The following GAD2 variants were observed in gnomAD, a reference collection of about 807,000 sequenced individuals.
GAD2 encodes glutamate decarboxylase 2, also known as 65 kDa glutamic acid decarboxylase.
A neutral mutation model predicts 80.1 loss-of-function variants in GAD2; 22 were observed. The ratio of observed to expected loss-of-function variants is 0.27; its 90% CI spans 0.20 to 0.39. The LOEUF (loss-of-function observed/expected upper bound fraction) is 0.39, where lower values mean the gene tolerates loss of function less well. Among genes scored for constraint, GAD2 ranks in the 10% least tolerant of loss-of-function variants. GAD2 has a pLI of 1.00. For synonymous variants in GAD2, 274 were observed against 256.9 expected, an observed-to-expected ratio of 1.07 and a Z score of -0.64; for missense variants, 624 against 738.4, an observed-to-expected ratio of 0.85 and a Z score of 1.80.
chr10:26,250,313 A>G (rs952972501), intron 8 of GAD2, among the ~76,000 whole-genome samples: 1 of 152,152 alleles, frequency 6.6e-6, no homozygotes, highest in African/African-American at 2.4e-5. Context: ...AGCTTATTTC[A>G]ACAATTTTAG....
chr10:26,217,393 G>C lies in GAD2; in HGVS notation c.77-217G>C, dbSNP rs1007238217. On this transcript the variant is annotated intron_variant, in intron 1 of 15. Transcript: ENST00000376261. The surrounding 1 kb of genome is among the most constrained non-coding windows in gnomAD (Gnocchi z 4.9). ...AGGGCAGCGGTGTGGGCTTCTCCTC[G>C]GGAAACAGATAAAGGAAATGAGGGC... Among the ~76,000 whole-genome samples the C allele has an allele frequency of 1.3e-5, 2 of 152,130 alleles. No individual in the cohort carries two copies. Among genetic ancestry groups the C allele is most frequent in the African/African-American group, 4.8e-5 (2 of 41,440 alleles).
intron 15 of GAD2, among the ~76,000 whole-genome samples, chr10:26,293,193 T>TTTTTTTTTTTTTTC (rs869296197): frequency 2.2e-5 from 3 of 137,314 alleles, no homozygotes; most frequent in African/African-American, 2.8e-5. Context: ...TTTTTTTTTT[T>TTTTTTTTTTTTTTC]TTGAGATGGA....
Position 26,270,633 on chromosome 10 carries a change from C to T in GAD2, c.976-7C>T, listed in dbSNP as rs762080256. 73 of 1,599,556 alleles carry T rather than the reference C, an allele frequency of 4.6e-5. No individual in the cohort carries two copies. Among genetic ancestry groups the T allele is most frequent in the South Asian group, 2.0e-4 (18 of 90,686 alleles). Reference sequence around the variant, plus strand: ...TTCCATGATTTGGGGCTTTCTCGTTCGCACAGGGGTTTGTTCCTTTCCTCG... The same window carrying T: ...TTCCATGATTTGGGGCTTTCTCGTTTGCACAGGGGTTTGTTCCTTTCCTCG... On this transcript the variant is annotated splice_polypyrimidine_tract_variant and splice_region_variant and intron_variant, in intron 9 of 15. Coordinates refer to ENST00000376261, the MANE Select transcript of GAD2 (RefSeq NM_001134366.2).
intron 8 of GAD2, among the ~76,000 whole-genome samples, chr10:26,249,253 G>A (rs988498153): frequency 1.3e-5 from 2 of 152,028 alleles, no homozygotes; most frequent in Admixed American, 1.3e-4. Context: ...GTAGAGACGG[G>A]GTTTCATCAT....
At chr10:26,244,931 C>T (rs1347454340) in intron 7 of GAD2, among the ~76,000 whole-genome samples, 1 of 152,048 alleles carries the variant, frequency 6.6e-6, no homozygotes, top group African/African-American at 2.4e-5. Context: ...GCAGGTGGAT[C>T]ACCTGAGGTC....
intron 8 of GAD2, among the ~76,000 whole-genome samples, chr10:26,262,088 G>T (rs1408716633): frequency 6.6e-6 from 1 of 152,040 alleles, no homozygotes; most frequent in Non-Finnish European, 1.5e-5. Context: ...GACACGTTTT[G>T]CTTTCAGAAT....
chr10:26,278,752 G>A (rs901365269), intron 11 of GAD2, among the ~76,000 whole-genome samples: 5 of 151,994 alleles, frequency 3.3e-5, no homozygotes, highest in South Asian at 4.2e-4. Context: ...AATTCCAGTC[G>A]TAAATGTATC....
At chr10:26,242,034 G>T (rs956967920) in intron 7 of GAD2, among the ~76,000 whole-genome samples, 1 of 152,150 alleles carries the variant, frequency 6.6e-6, no homozygotes, top group Non-Finnish European at 1.5e-5. Context: ...AGGCTGGAGT[G>T]CAGTGGCGTG....
intron 15 of GAD2, among the ~76,000 whole-genome samples, chr10:26,296,673 A>G (rs4747550): frequency 0.24 from 35,909 of 152,102 alleles, 4,756 homozygotes; most frequent in African/African-American, 0.35. Flanking sequence ...GGGCTGGTCT[A>G]TTGATCACCT....
intron 4 of GAD2, among the ~76,000 whole-genome samples, chr10:26,223,021 A>G (rs1176952208): frequency 6.6e-6 from 1 of 152,248 alleles, no homozygotes; most frequent in Non-Finnish European, 1.5e-5. Flanking sequence ...TGCTAATGAC[A>G]TATTTATAAT....
intron 12 of GAD2, among the ~76,000 whole-genome samples, chr10:26,284,784 T>G (rs1845312742): frequency 6.6e-6 from 1 of 152,050 alleles, no homozygotes; most frequent in Non-Finnish European, 1.5e-5. Flanking sequence ...TTAGCCAGGA[T>G]GGTTTCAATC....
chr10:26,230,732 C>A (rs1844591011), intron 7 of GAD2, among the ~76,000 whole-genome samples: 1 of 151,900 alleles, frequency 6.6e-6, no homozygotes, highest in Non-Finnish European at 1.5e-5. Context: ...ACCATCATAC[C>A]CAGCCTGAAC....
intron 15 of GAD2, among the ~76,000 whole-genome samples, chr10:26,295,156 C>T (rs1030589792): frequency 2.6e-5 from 4 of 152,060 alleles, no homozygotes; most frequent in South Asian, 2.1e-4. Context: ...CTTCAAATGC[C>T]TCCTAGGTTT....
chr10:26,246,096 G>T, intron 8 of GAD2, 96 bp downstream of exon 8: 1 of 913,762 alleles, frequency 1.1e-6, no homozygotes, highest in Non-Finnish European at 1.7e-6. Context: ...CCACGGGGCA[G>T]CAAGTCCACC....
chr10:26,300,283 A>G (rs1434963577), intron 15 of GAD2, among the ~76,000 whole-genome samples: 2 of 152,180 alleles, frequency 1.3e-5, no homozygotes, highest in Non-Finnish European at 2.9e-5. Flanking sequence ...TATCTTATAA[A>G]GTGAGGCACT....
rs142982041 is a variant in GAD2 at position 26,217,668 on chromosome 10, C to T, written c.135C>T (p.Cys45=). 2.6e-5 allele frequency: 42 copies of T among 1,613,102 alleles called. No individual in the cohort carries two copies. Among genetic ancestry groups the T allele is most frequent in the Non-Finnish European group, 3.4e-5 (40 of 1,179,628 alleles). Residue 45 remains cysteine (C), a splice_region_variant and synonymous_variant, in exon 2 of 16, where the codon TGC becomes TGT. Transcript: ENST00000376261. The surrounding 1 kb of genome is among the most constrained non-coding windows in gnomAD (Gnocchi z 4.9). ...KFTGGIGNKL[C]ALLYGDAEKP... The stretch of plus-strand genomic sequence containing the variant: ...CGGGCGGCATCGGAAACAAACTGTG[C>T]GGTGAGTGCCCAGGGACCGGGGCGG...
chr10:26,275,625 T>C (rs928438829), intron 11 of GAD2, among the ~76,000 whole-genome samples: 1 of 152,230 alleles, frequency 6.6e-6, no homozygotes, highest in African/African-American at 2.4e-5. Flanking sequence ...CACTGACTTA[T>C]TAGCAAAAGG....
chr10:26,223,573 G>A (rs1047212422), intron 4 of GAD2, among the ~76,000 whole-genome samples: 3 of 152,020 alleles, frequency 2.0e-5, no homozygotes, highest in African/African-American at 7.2e-5. Context: ...CATGCAGATT[G>A]CAAACCATAT....
chr10:26,245,454 T>TTG (rs1844796800), intron 7 of GAD2, among the ~76,000 whole-genome samples: 1 of 151,984 alleles, frequency 6.6e-6, no homozygotes, highest in Admixed American at 6.6e-5. Context: ...TTTTTTTTTT[T>TTG]GAGACGGAGT....
Sources: allele counts gnomAD v4.1 joint callset (sites outside exome capture counted in the v4.1 genomes callset), GRCh38; gene constraint gnomAD v4.1.1; non-coding constraint Gnocchi (gnomAD v3.1); transcripts MANE v1.5; gene names NCBI Gene and HGNC (gene_info 2026-07-23, HGNC 2026-07-21).